TSHZ1: variants seen among roughly 807,000 people sequenced by gnomAD.
TSHZ1 encodes the protein teashirt homolog 1.
In TSHZ1, 12 loss-of-function variants were observed where a neutral mutation model predicts 67.1. The ratio of observed to expected loss-of-function variants is 0.18; its 90% confidence interval spans 0.11 to 0.29. The LOEUF (loss-of-function observed/expected upper bound fraction) is 0.29. Among genes scored for constraint, TSHZ1 ranks in the 10% least tolerant of loss-of-function variants. The pLI, the probability that TSHZ1 is intolerant of heterozygous loss-of-function variation, is 1.00. For missense variants in TSHZ1, 1,305 were observed against 1,413.9 expected, an observed-to-expected ratio of 0.92 and a Z score of 1.23; for synonymous variants, 632 against 622.4, an observed-to-expected ratio of 1.02 and a Z score of -0.23.
rs1477228539 is a variant in TSHZ1, at chr18:75,211,167, G to T, written c.-710G>T. 2 of 152,112 alleles carry T rather than the reference G, an allele frequency of 1.3e-5. No individual in the cohort carries two copies. The highest frequency in any genetic ancestry group is 4.8e-5 in the African/African-American group (2 of 41,406). 9.4% of individuals were successfully genotyped at this position (152,112 alleles called of 1,614,324 possible). A position where few individuals can be genotyped will look rare whatever the true frequency, so the allele number is the denominator to read the frequency against. On this transcript the variant is annotated 5_prime_UTR_variant, in exon 1 of 2. Coordinates refer to ENST00000580243, the MANE Select transcript of TSHZ1 (RefSeq NM_001308210.2). ...GTGGAAGCGCGGGGCACCAAGTGGCGCTCCGGCGGGGTGACACTGTTTGAT... is the reference window on the plus strand; with the variant it reads ...GTGGAAGCGCGGGGCACCAAGTGGCTCTCCGGCGGGGTGACACTGTTTGAT...
rs1204077169 is a variant in TSHZ1 at position 75,281,783 on chromosome 18, G to A, written c.41-3665G>A. Among the ~76,000 whole-genome samples the A allele has an allele frequency of 3.3e-5, 5 of 152,130 alleles. No individual in the cohort carries two copies. Among genetic ancestry groups the A allele is most frequent in the Admixed American group, 1.3e-4 (2 of 15,280 alleles). On this transcript the variant is annotated intron_variant, in intron 1 of 1. Transcript: ENST00000580243. The surrounding 1 kb of genome is among the most constrained non-coding windows in gnomAD (Gnocchi z 5.3). ...ATGGGTGCAACCGGGTGGGGAGTGA[G>A]AAGTTGCCTCCAGATGGCATCTGGA...
intron 1 of TSHZ1, among the ~76,000 whole-genome samples, chr18:75,250,581 C>G (rs1312500273): frequency 6.6e-6 from 1 of 152,202 alleles, no homozygotes; most frequent in Non-Finnish European, 1.5e-5. Context: ...GTCGGCTCAG[C>G]CAGTGCCCAT....
chr18:75,216,674 TGCA>T (rs1280656674), intron 1 of TSHZ1, among the ~76,000 whole-genome samples: 2 of 152,352 alleles, frequency 1.3e-5, no homozygotes, highest in Admixed American at 6.5e-5. Flanking sequence ...TGCATATGGG[TGCA>T]GAATGTGTGA....
chr18:75,212,044 G>A, intron 1 of TSHZ1, 128 bp downstream of exon 1: 1 of 657,814 alleles, frequency 1.5e-6, no homozygotes, highest in Non-Finnish European at 2.0e-6. Context: ...GGCCCAGCCT[G>A]CGCTGGCCAC....
At chr18:75,243,147 A>G (rs4891051) in intron 1 of TSHZ1, among the ~76,000 whole-genome samples, 120,039 of 152,146 alleles carry the variant, frequency 0.79, 47,505 homozygotes, top group South Asian at 0.87. Flanking sequence ...GAGGCCAGTC[A>G]GGGACAAGAG....
At chr18:75,216,013 G>A (rs897987649) in intron 1 of TSHZ1, among the ~76,000 whole-genome samples, 14 of 151,830 alleles carry the variant, frequency 9.2e-5, no homozygotes, top group Admixed American at 2.0e-4. Flanking sequence ...GAAGGGGAGG[G>A]GGGCTGGTCA....
intron 1 of TSHZ1, among the ~76,000 whole-genome samples, chr18:75,249,573 G>A (rs925853545): frequency 2.0e-5 from 3 of 151,774 alleles, no homozygotes; most frequent in Admixed American, 1.3e-4. Flanking sequence ...TATAGTAGGT[G>A]GGGGATGCAT....
At chr18:75,214,118 C>G (rs2122508645) in intron 1 of TSHZ1, among the ~76,000 whole-genome samples, 1 of 152,274 alleles carries the variant, frequency 6.6e-6, no homozygotes, top group Middle Eastern at 3.4e-3. Flanking sequence ...TTCTTGTGTT[C>G]ATTAGATGAG....
intron 1 of TSHZ1, among the ~76,000 whole-genome samples, chr18:75,225,709 C>G (rs1409250519): frequency 6.6e-6 from 1 of 151,732 alleles, no homozygotes; most frequent in Non-Finnish European, 1.5e-5. Context: ...ATCCTGAGCA[C>G]AGCAGACAGC....
At chr18:75,268,015 G>A (rs2122591058) in intron 1 of TSHZ1, among the ~76,000 whole-genome samples, 1 of 152,284 alleles carries the variant, frequency 6.6e-6, no homozygotes, top group South Asian at 2.1e-4. Context: ...AGAAATGCAG[G>A]ACATGATACT....
intron 1 of TSHZ1, among the ~76,000 whole-genome samples, chr18:75,242,466 T>C (rs1163141583): frequency 6.6e-6 from 1 of 152,280 alleles, no homozygotes; most frequent in Admixed American, 6.5e-5. Flanking sequence ...TGCACTGTTT[T>C]GATTCCATGG....
intron 1 of TSHZ1, among the ~76,000 whole-genome samples, chr18:75,227,399 A>G (rs1318012542): frequency 6.6e-6 from 1 of 152,128 alleles, no homozygotes; most frequent in African/African-American, 2.4e-5. Context: ...AAAGTTGCTA[A>G]AAAAGGATAT....
Position 75,287,525 on chromosome 18 carries a change from A to T in TSHZ1, c.2118A>T (p.Gly706=). 5.0e-6 allele frequency: 8 copies of T among 1,614,194 alleles called. No individual in the cohort carries two copies. Among genetic ancestry groups the T allele is most frequent in the Non-Finnish European group, 6.8e-6 (8 of 1,180,040 alleles). Residue 706 remains glycine, a synonymous_variant, in exon 2 of 2, where the codon GGA becomes GGT. Transcript: ENST00000580243. This position sits in a 1 kb window ranked among gnomAD's most constrained non-coding sequence, Gnocchi z 5.0. ...AGACTGGGAAGGCCAAAAAGGAGGG[A>T]CCGCTGGACGTTCACACCCCAAATG... ...EAETGKAKKE[G]PLDVHTPNGT...
chr18:75,265,953 T>C (rs2023485782), intron 1 of TSHZ1, among the ~76,000 whole-genome samples: 1 of 152,242 alleles, frequency 6.6e-6, no homozygotes, highest in African/African-American at 2.4e-5. Context: ...AAAGTGTTCT[T>C]TGGAAAGAAC....
rs759610717 is a variant in TSHZ1, at chr18:75,287,771, C to T, written c.2364C>T (p.Pro788=). The T allele has an allele frequency of 1.5e-5, 25 of 1,614,074 alleles. No homozygotes were observed. The African/African-American group carries it at 2.3e-4, about 15-fold the overall frequency. Residue 788 remains proline, a synonymous_variant, in exon 2 of 2, where the codon CCC becomes CCT. Coordinates refer to ENST00000580243, the MANE Select transcript of TSHZ1 (RefSeq NM_001308210.2). The surrounding 1 kb of genome is among the most constrained non-coding windows in gnomAD (Gnocchi z 5.0). ...SNSMLDKPVY[P]ATPVKQADAI... ...GCATGCTGGACAAGCCGGTGTACCCCGCCACCCCTGTGAAGCAGGCCGATG... is the reference window on the plus strand; with the variant it reads ...GCATGCTGGACAAGCCGGTGTACCCTGCCACCCCTGTGAAGCAGGCCGATG...
intron 1 of TSHZ1, among the ~76,000 whole-genome samples, chr18:75,271,321 TC>T (rs1210647810): frequency 6.6e-6 from 1 of 152,180 alleles, no homozygotes; most frequent in African/African-American, 2.4e-5. Flanking sequence ...TTCGGATAGA[TC>T]AAGGAGGAAT....
In TSHZ1 at chr18:75,286,378, T is replaced by C; in HGVS notation, c.971T>C (p.Val324Ala). 1 of 1,614,112 alleles carries C rather than the reference T, an allele frequency of 6.2e-7. No homozygotes were observed. The highest frequency in any genetic ancestry group is 8.5e-7 in the Non-Finnish European group (1 of 1,180,018). ...TTTGAGTCCTTGCAGGACCTCAGCG[T>C]CCACATGATCAAAACCAAGCATTAC... ...HSFESLQDLS[V>A]HMIKTKHYQK... The change falls in exon 2 of 2, where the codon GTC (valine) becomes GCC (alanine). Residue 324 changes from valine (V) to alanine (A), a missense_variant. Coordinates refer to ENST00000580243, the MANE Select transcript of TSHZ1 (RefSeq NM_001308210.2). This position sits in a 1 kb window ranked among gnomAD's most constrained non-coding sequence, Gnocchi z 5.1.
At chr18:75,274,942 A>G (rs893048101) in intron 1 of TSHZ1, among the ~76,000 whole-genome samples, 7 of 152,356 alleles carry the variant, frequency 4.6e-5, no homozygotes, top group African/African-American at 1.7e-4. Context: ...AGTCAAGTAT[A>G]GAGACAATTA....
intron 1 of TSHZ1, among the ~76,000 whole-genome samples, chr18:75,218,132 C>T (rs1239695511): frequency 6.6e-6 from 1 of 152,086 alleles, no homozygotes; most frequent in South Asian, 2.1e-4. Flanking sequence ...AAAGCCAGGA[C>T]AATTTAGGTA....
Sources: allele counts gnomAD v4.1 joint callset (sites outside exome capture counted in the v4.1 genomes callset), GRCh38; gene constraint gnomAD v4.1.1; non-coding constraint Gnocchi (gnomAD v3.1); transcripts MANE v1.5; gene names NCBI Gene and HGNC (gene_info 2026-07-23, HGNC 2026-07-21).